The following LYRM4 variants were observed in gnomAD, a reference collection of about 807,000 sequenced individuals.
The protein encoded by LYRM4 is LYR motif containing 4.
A neutral mutation model predicts 11.7 loss-of-function variants in LYRM4; 9 were observed. The observed-to-expected ratio is 0.77, with a 90% confidence interval of 0.46 to 1.34. The LOEUF is 1.34. Among genes scored for constraint, LYRM4 ranks in the 40% most tolerant of loss-of-function variants. The pLI, the probability that LYRM4 is intolerant of heterozygous loss-of-function variation, is 0.00. For synonymous variants in LYRM4, 42 were observed against 40.4 expected (o/e 1.04, Z -0.15); for missense variants, 133 against 112.5 (o/e 1.18, Z -0.82).
intron 2 of LYRM4, among the ~76,000 whole-genome samples, chr6:5,188,167 T>C (rs1760532017): frequency 6.6e-6 from 1 of 151,950 alleles, no homozygotes; most frequent in Admixed American, 6.6e-5. Context: ...CTGCGAAACA[T>C]GATGAAACCC....
intron 2 of LYRM4, among the ~76,000 whole-genome samples, chr6:5,205,076 A>C (rs544430877): frequency 1.2e-4 from 18 of 152,360 alleles, no homozygotes; most frequent in African/African-American, 3.8e-4. Context: ...CACAGTGAAT[A>C]AGAACAACGC....
chr6:5,132,495 G>T (rs138649284), intron 2 of LYRM4, among the ~76,000 whole-genome samples: 498 of 152,248 alleles, frequency 3.3e-3, no homozygotes, highest in Non-Finnish European at 4.6e-3. Flanking sequence ...CATTTTAAAC[G>T]AAAATCCCAT....
chr6:5,089,136 G>C, the LYRM4 span: 3 of 152,238 alleles, frequency 2.0e-5, no homozygotes, highest in South Asian at 6.2e-4. Context: ...ATGGTCAATG[G>C]TCATATCAAT....
intron 1 of LYRM4, chr6:5,240,425 T>C (rs1763808920): frequency 1.3e-5 from 2 of 152,108 alleles, no homozygotes; most frequent in African/African-American, 4.8e-5. Context: ...TCAAACACAA[T>C]ACAAAAATAT....
chr6:5,066,644 T>C, the LYRM4 span: 4 of 1,185,366 alleles, frequency 3.4e-6, no homozygotes, highest in Non-Finnish European at 5.0e-6. Flanking sequence ...CAATTTCAAG[T>C]AATGCCTGAG....
At chr6:5,180,637 G>T (rs1445435763) in intron 2 of LYRM4, among the ~76,000 whole-genome samples, 2 of 152,112 alleles carry the variant, frequency 1.3e-5, no homozygotes, top group Admixed American at 1.3e-4. Flanking sequence ...TGGTTCGTTG[G>T]TTCCTCCTAT....
intron 2 of LYRM4, among the ~76,000 whole-genome samples, chr6:5,177,528 C>T (rs1759791790): frequency 6.6e-6 from 1 of 152,226 alleles, no homozygotes; most frequent in African/African-American, 2.4e-5. Flanking sequence ...TTGAATTGAC[C>T]TCTAGACCCA....
chr6:5,190,231 T>A (rs1760673229), intron 2 of LYRM4, among the ~76,000 whole-genome samples: 1 of 128,282 alleles, frequency 7.8e-6, no homozygotes, highest in African/African-American at 2.9e-5. Context: ...TCCTTGAGGC[T>A]TTTTTTTTTA....
chr6:5,245,497 T>C (rs1356161474), intron 1 of LYRM4, among the ~76,000 whole-genome samples: 1 of 151,420 alleles, frequency 6.6e-6, no homozygotes. Context: ...GTGGCAAGAG[T>C]GATGGGGACA....
rs1285090450 is a variant in LYRM4, at chr6:5,138,865, G to A, written c.208-29374C>T. Reference sequence around the variant, plus strand: ...AAGACAGGTTAAAAGCTAGAAATGAGATTAATCCTTTAGACATAGACATTT... The same window carrying A: ...AAGACAGGTTAAAAGCTAGAAATGAAATTAATCCTTTAGACATAGACATTT... On this transcript the variant is annotated intron_variant, in intron 2 of 2. Transcript: ENST00000330636. 5 of 659,122 alleles carry A rather than the reference G, an allele frequency of 7.6e-6. No homozygotes were observed. The East Asian group carries it at 1.1e-4, about 15-fold the overall frequency. The allele number at this position is 659,122 out of a possible 1,614,324, so 40.8% of individuals were successfully genotyped here. A position where few individuals can be genotyped will look rare whatever the true frequency, so the allele number is the denominator to read the frequency against.
At chr6:5,132,854 C>G (rs1422174382) in intron 2 of LYRM4, 2 of 152,256 alleles carry the variant, frequency 1.3e-5, no homozygotes, top group Non-Finnish European at 2.9e-5. Context: ...ATTTGCAACT[C>G]TGCCAAGGCT....
chr6:5,225,526 G>C (rs1184163733), intron 1 of LYRM4, among the ~76,000 whole-genome samples: 1 of 152,072 alleles, frequency 6.6e-6, no homozygotes, highest in Non-Finnish European at 1.5e-5. Context: ...GTGATCATTT[G>C]ATAATACAAA....
At chr6:5,143,231 C>T (rs1364491357) in intron 2 of LYRM4, among the ~76,000 whole-genome samples, 1 of 36,584 alleles carries the variant, frequency 2.7e-5, no homozygotes, top group African/African-American at 1.1e-4. Flanking sequence ...CAGCACACCA[C>T]TGTCATTCAG....
intron 2 of LYRM4, among the ~76,000 whole-genome samples, chr6:5,190,416 C>T (rs1179234604): frequency 6.6e-6 from 1 of 151,982 alleles, no homozygotes; most frequent in Non-Finnish European, 1.5e-5. Flanking sequence ...GTAGTAACAC[C>T]GTATCTGTTC....
chr6:5,043,580 A>C, the LYRM4 span: 1 of 152,152 alleles, frequency 6.6e-6, no homozygotes, highest in Non-Finnish European at 1.5e-5. Flanking sequence ...TCGATGTTTT[A>C]ATATCTGTCC....
intron 1 of LYRM4, among the ~76,000 whole-genome samples, chr6:5,257,700 T>G (rs1221885644): frequency 1.3e-5 from 2 of 152,204 alleles, no homozygotes; most frequent in African/African-American, 4.8e-5. Flanking sequence ...TGATCTAGGT[T>G]GCATGCTCCT....
intron 2 of LYRM4, among the ~76,000 whole-genome samples, chr6:5,167,149 C>T (rs1759133035): frequency 6.6e-6 from 1 of 152,044 alleles, no homozygotes; most frequent in Non-Finnish European, 1.5e-5. Flanking sequence ...ACCTTTTTCC[C>T]GTAAGTTCAA....
chr6:5,157,673 AAC>A (rs1758497341), intron 2 of LYRM4, among the ~76,000 whole-genome samples: 1 of 152,230 alleles, frequency 6.6e-6, no homozygotes, highest in African/African-American at 2.4e-5. Context: ...TAATAATGAA[AAC>A]ACGAAAGATG....
the LYRM4 span, chr6:5,034,753 C>CTTTTTTTTTTTTTTTTTTTTTT: frequency 2.1e-5 from 2 of 93,852 alleles, no homozygotes; most frequent in African/African-American, 1.0e-4. Context: ...TACAGCAATG[C>CTTTTTTTTTTTTTTTTTTTTTT]TTTTTTTTTT....
Sources: allele counts gnomAD v4.1 joint callset (sites outside exome capture counted in the v4.1 genomes callset), GRCh38; gene constraint gnomAD v4.1.1; transcripts MANE v1.5; gene names NCBI Gene and HGNC (gene_info 2026-07-23, HGNC 2026-07-21).